DOP1B: variants seen among roughly 807,000 people sequenced by gnomAD.
DOP1B encodes the protein protein DOP1B.
A neutral mutation model predicts 233.5 loss-of-function variants in DOP1B; 174 were observed. The observed-to-expected ratio is 0.75, with a 90% CI of 0.66 to 0.85. DOP1B has a LOEUF of 0.85. DOP1B is among the 40% of genes least tolerant of loss of function. DOP1B has a pLI of 0.00. For missense variants in DOP1B, 2,652 were observed against 2,846.6 expected (o/e 0.93, Z 1.56); for synonymous variants, 1,190 against 1,185.6 (o/e 1.00, Z -0.08).
In DOP1B at chr21:36,164,714, T is replaced by C. The variant is rs775711977; in HGVS notation, c.-20T>C. On this transcript the variant is annotated 5_prime_UTR_variant, in exon 2 of 37. Coordinates refer to ENST00000691173, the MANE Select transcript of DOP1B (RefSeq NM_001320714.2). ...TTTTTTGATTTGCTTTTAGATACTT[T>C]TCTGCTGTGAGAATGTAAGATGGAT... 5 of 1,551,666 alleles carry C rather than the reference T, an allele frequency of 3.2e-6. No individual in the cohort carries two copies. In the African/African-American group the frequency reaches 5.6e-5, roughly 17 times the overall value.
At chr21:36,289,330 C>A in intron 35 of DOP1B, 124 bp downstream of exon 35, 1 of 992,034 alleles carries the variant, frequency 1.0e-6, no homozygotes, top group Non-Finnish European at 1.5e-6. Context: ...CTAGTGACAG[C>A]TAAGCCAGCT....
chr21:36,286,603 T>G (rs1236071166), intron 32 of DOP1B, among the ~76,000 whole-genome samples: 1 of 150,170 alleles, frequency 6.7e-6, no homozygotes, highest in Non-Finnish European at 1.5e-5. Context: ...ACCACTGTAC[T>G]CCAGCCTGAG....
At chr21:36,180,812 C>T (rs8134491) in intron 2 of DOP1B, among the ~76,000 whole-genome samples, 88,244 of 151,356 alleles carry the variant, frequency 0.58, 26,166 homozygotes, top group African/African-American at 0.72. Flanking sequence ...ACCCATGAGG[C>T]GGAGGTTGCA....
chr21:36,218,641 A>T (rs986280945), intron 9 of DOP1B, among the ~76,000 whole-genome samples: 1 of 152,362 alleles, frequency 6.6e-6, no homozygotes, highest in Middle Eastern at 3.4e-3. Context: ...AGATTGGATT[A>T]ATCTGCTTTT....
chr21:36,217,619 A>G (rs954473806), intron 9 of DOP1B, among the ~76,000 whole-genome samples: 1 of 152,192 alleles, frequency 6.6e-6, no homozygotes, highest in African/African-American at 2.4e-5. Flanking sequence ...ATTCTTAACG[A>G]AAGTCCAAGT....
chr21:36,159,823 G>A (rs923872963), intron 1 of DOP1B, among the ~76,000 whole-genome samples: 6 of 152,160 alleles, frequency 3.9e-5, no homozygotes, highest in Admixed American at 2.6e-4. Flanking sequence ...CTCCTCTGCC[G>A]GTGGCTGAGT....
At chr21:36,277,122 C>T (rs368060515) in intron 28 of DOP1B, 22 bp downstream of exon 28, 30 of 1,607,040 alleles carry the variant, frequency 1.9e-5, no homozygotes, top group Admixed American at 5.2e-5. Flanking sequence ...CCTGACCTGT[C>T]GTCCTTTATG....
chr21:36,272,208 C>T (rs1012743838), intron 27 of DOP1B, among the ~76,000 whole-genome samples: 1 of 152,104 alleles, frequency 6.6e-6, no homozygotes, highest in Non-Finnish European at 1.5e-5. Flanking sequence ...GTTAGCAGGG[C>T]TGGGTGTAGT....
At chr21:36,157,399 C>T (rs2065829525) in intron 1 of DOP1B, among the ~76,000 whole-genome samples, 1 of 152,156 alleles carries the variant, frequency 6.6e-6, no homozygotes, top group African/African-American at 2.4e-5. Context: ...GAACTAAGGG[C>T]TTTCCTCGTT....
At chr21:36,235,179 A>G (rs1327989253) in intron 15 of DOP1B, among the ~76,000 whole-genome samples, 1 of 152,170 alleles carries the variant, frequency 6.6e-6, no homozygotes, top group Non-Finnish European at 1.5e-5. Flanking sequence ...CTAGAGACAC[A>G]GCAACCTTAC....
chr21:36,239,884 T>A lies in DOP1B; in HGVS notation c.2996T>A (p.Val999Glu). ...GACGTGGCTCGCATCCTCGAACCCG[T>A]GCTCCTGCTGCTGCTGCAGCCAAAA... is the stretch of plus-strand genomic sequence containing the variant. The part of the protein sequence containing the change: ...LGDVARILEP[V>E]LLLLLQPKTQ... The change falls in exon 18 of 37, where the codon GTG becomes GAG. Residue 999 changes from valine (V) to glutamate (E), a missense_variant. Val to Glu is a moderately radical substitution (Grantham distance 121). Around this residue, in one of 3 missense-constraint regions of DOP1B, gnomAD observed 2,617 missense variants for 2,794.3 expected, o/e 0.94. Transcript: ENST00000691173. 1 of 1,606,158 alleles carries A rather than the reference T, an allele frequency of 6.2e-7. No homozygotes were observed. The highest frequency in any genetic ancestry group is 8.5e-7 in the Non-Finnish European group (1 of 1,177,840).
Position 36,238,678 on chromosome 21 carries a change from ATC to A in DOP1B, c.2856_2857del (p.His953GlnfsTer5). The part of the protein sequence containing the change: ...TREIQGSRVT[S>X]HNRSFDRSLF... ...GAGAGATCCAAGGCAGTCGAGTAAC[ATC>A]TCACAATCGCTCCTTTGATAGGTGA... On this transcript the variant is annotated frameshift_variant, in exon 17 of 37. Transcript: ENST00000691173. LOFTEE classifies it high-confidence loss of function. 1 of 1,614,238 alleles carries A rather than the reference ATC, an allele frequency of 6.2e-7. No homozygotes were observed. Among genetic ancestry groups the A allele is most frequent in the Non-Finnish European group, 8.5e-7 (1 of 1,180,046 alleles).
intron 23 of DOP1B, among the ~76,000 whole-genome samples, chr21:36,255,087 G>A (rs2067077641): frequency 1.3e-5 from 2 of 150,922 alleles, no homozygotes. Context: ...GTAGCTGGGA[G>A]TACAGGTGCA....
chr21:36,289,909 T>A (rs1050806688), intron 35 of DOP1B, among the ~76,000 whole-genome samples: 2 of 152,090 alleles, frequency 1.3e-5, no homozygotes, highest in Admixed American at 1.3e-4. Flanking sequence ...CAGGGATGAA[T>A]GGGTGAAGCA....
At chr21:36,286,076 T>C (rs544867805) in intron 32 of DOP1B, among the ~76,000 whole-genome samples, 21 of 151,106 alleles carry the variant, frequency 1.4e-4, no homozygotes, top group Admixed American at 8.6e-4. Context: ...CCGTTTGGGG[T>C]CCTTTTCCCC....
At chr21:36,169,334 T>A (rs2065948479) in intron 2 of DOP1B, 2 of 782,636 alleles carry the variant, frequency 2.6e-6, no homozygotes. Flanking sequence ...CTTACAGATC[T>A]TCTTGTTGAT....
Position 36,250,205 on chromosome 21 carries a change from G to A in DOP1B, c.4999-957G>A, listed in dbSNP as rs543331364. On this transcript the variant is annotated intron_variant, in intron 21 of 36. Coordinates refer to ENST00000691173, the MANE Select transcript of DOP1B (RefSeq NM_001320714.2). ...AGCAGAAGCCATGGTGGAAAAGAGG[G>A]GACAGCTCCATTGCTGGCTCAGTTG... Among the ~76,000 whole-genome samples the A allele has an allele frequency of 2.8e-4, 42 of 152,290 alleles. No homozygotes were observed. The East Asian group carries it at 7.1e-3, about 26-fold the overall frequency.
chr21:36,180,525 C>G (rs2066085184), intron 2 of DOP1B, among the ~76,000 whole-genome samples: 2 of 151,742 alleles, frequency 1.3e-5, no homozygotes, highest in South Asian at 2.1e-4. Flanking sequence ...GAGCTGAGAT[C>G]AGGCCTGGGC....
chr21:36,284,909 A>C (rs1393866177), intron 32 of DOP1B, among the ~76,000 whole-genome samples: 1 of 150,052 alleles, frequency 6.7e-6, no homozygotes, highest in East Asian at 1.9e-4. Flanking sequence ...GTAATAACTA[A>C]TAGGTAATGA....
Sources: gnomAD v4.1 joint callset for allele counts (sites outside exome capture counted in the v4.1 genomes callset) on GRCh38, gnomAD v4.1.1 for gene constraint, gnomAD v4.1.1 regional missense constraint, MANE v1.5 for transcripts, NCBI Gene and HGNC (gene_info 2026-07-23, HGNC 2026-07-21) for gene names.